TNRC18: variants seen among roughly 807,000 people sequenced by gnomAD.
TNRC18 encodes trinucleotide repeat containing 18, also known as trinucleotide repeat-containing gene 18 protein.
TNRC18 carries 69 observed loss-of-function variants against 226.7 expected under a neutral mutation model. The ratio of observed to expected loss-of-function variants is 0.30; its 90% confidence interval spans 0.25 to 0.37. The LOEUF is 0.37. TNRC18 is among the 10% of genes least tolerant of loss of function. The pLI, the probability that TNRC18 is intolerant of heterozygous loss-of-function variation, is 1.00. For missense variants in TNRC18, 4,754 were observed against 4,256.6 expected, an observed-to-expected ratio of 1.12 and a Z score of -3.25; for synonymous variants, 2,449 against 1,927.6, an observed-to-expected ratio of 1.27 and a Z score of -7.09.
intron 18 of TNRC18, among the ~76,000 whole-genome samples, chr7:5,339,600 T>C (rs1790483111): frequency 6.7e-6 from 1 of 149,968 alleles, no homozygotes; most frequent in Non-Finnish European, 1.5e-5. Context: ...GTGTCGCTCT[T>C]GTCACCCAGG....
In TNRC18 at chr7:5,309,571, G is replaced by C. The variant is rs1786975161; in HGVS notation, c.8389-203C>G. 6.6e-6 allele frequency among the ~76,000 whole-genome samples: 1 copy of C among 152,260 alleles called. No homozygotes were observed. The highest frequency in any genetic ancestry group is 2.4e-5 in the African/African-American group (1 of 41,470). ...TCTTTGACATGCTGGGTCTCCAAGAGGCGCTTCCCTTGATCTAAGCATTCT... is the reference window on the plus strand; with the variant it reads ...TCTTTGACATGCTGGGTCTCCAAGACGCGCTTCCCTTGATCTAAGCATTCT... On this transcript the variant is annotated intron_variant, in intron 27 of 29. Transcript: ENST00000430969. The surrounding 1 kb of genome is among the most constrained non-coding windows in gnomAD (Gnocchi z 5.7).
At chr7:5,386,302 A>C (rs1779786048) in intron 5 of TNRC18, among the ~76,000 whole-genome samples, 1 of 151,720 alleles carries the variant, frequency 6.6e-6, no homozygotes, top group Admixed American at 6.6e-5. Context: ...AACAACAAAA[A>C]AAAAGTGACA....
At chr7:5,403,849 T>A (rs1041226451) in intron 2 of TNRC18, among the ~76,000 whole-genome samples, 1 of 151,138 alleles carries the variant, frequency 6.6e-6, no homozygotes, top group Non-Finnish European at 1.5e-5. Context: ...GAGCATCTCA[T>A]AGACTCAGTC....
chr7:5,417,287 G>A (rs1444176345), intron 2 of TNRC18, among the ~76,000 whole-genome samples: 2 of 152,158 alleles, frequency 1.3e-5, no homozygotes, highest in Admixed American at 6.5e-5. Flanking sequence ...GGGCAACATA[G>A]CAAGACCCTA....
Position 5,388,504 on chromosome 7 carries a change from G to T in TNRC18, c.1320C>A (p.Pro440=), listed in dbSNP as rs1779996954. The change falls in exon 5 of 30, where the codon CCC becomes CCA. Residue 440 remains proline (P), a synonymous_variant. Coordinates refer to ENST00000430969, the MANE Select transcript of TNRC18 (RefSeq NM_001080495.3). ...NSVIRSLKRP[P]PADAPTVRAT... ...CCCGCACCGTGGGGGCATCCGCGGG[G>T]GGCGGCCGCTTGAGCGAGCGGATGA... The T allele has an allele frequency of 1.5e-6, 2 of 1,334,344 alleles. No individual in the cohort carries two copies. The highest frequency in any genetic ancestry group is 3.1e-5 in the African/African-American group (2 of 63,510). The allele number at this position is 1,334,344 out of a possible 1,614,324, so 82.7% of individuals were successfully genotyped here.
At chr7:5,355,487 T>C (rs1426601808) in intron 16 of TNRC18, among the ~76,000 whole-genome samples, 1 of 152,184 alleles carries the variant, frequency 6.6e-6, no homozygotes, top group Non-Finnish European at 1.5e-5. Context: ...AGTAGTAGTG[T>C]GCGCCTATGG....
chr7:5,388,564 C>T lies in TNRC18; in HGVS notation c.1260G>A (p.Leu420=), dbSNP rs1172951484. 6 of 1,307,724 alleles carry T rather than the reference C, an allele frequency of 4.6e-6. No individual in the cohort carries two copies. The Admixed American group carries it at 1.3e-4, about 28-fold the overall frequency. 81.0% of individuals were successfully genotyped at this position (1,307,724 alleles called of 1,614,324 possible). ...LQAPPGSPRP[L]DRPEGLREKN... ...TCTCGCGCAGGCCCTCGGGCCGGTC[C>T]AGAGGCCGCGGGGAGCCGGGGGGCG... The change falls in exon 5 of 30, where the codon CTG becomes CTA. Residue 420 remains leucine, a synonymous_variant. Transcript: ENST00000430969.
At chr7:5,421,531 G>A (rs964968651) in intron 1 of TNRC18, 42 bp from the exon 2 acceptor site, 3 of 152,016 alleles carry the variant, frequency 2.0e-5, no homozygotes, top group East Asian at 1.9e-4. Context: ...ATAGAAAGGG[G>A]GAAAGAAAAA....
chr7:5,385,494 C>CAAAAAAAAAAAAAAA (rs60919833), intron 5 of TNRC18, among the ~76,000 whole-genome samples: 1 of 88,098 alleles, frequency 1.1e-5, no homozygotes, highest in Admixed American at 1.4e-4. Context: ...GACTCCGTCT[C>CAAAAAAAAAAAAAAA]AAAAAAAAAA....
At chr7:5,349,291 C>G (rs1791535169) in intron 17 of TNRC18, among the ~76,000 whole-genome samples, 1 of 152,180 alleles carries the variant, frequency 6.6e-6, no homozygotes, top group Non-Finnish European at 1.5e-5. Context: ...CAGAGGGGCT[C>G]TGAGGACCAA....
At chr7:5,373,912 G>C in intron 10 of TNRC18, 143 bp downstream of exon 10, 1 of 594,034 alleles carries the variant, frequency 1.7e-6, no homozygotes. Context: ...TTGTCTCAGT[G>C]TCTGGCGGCA....
intron 2 of TNRC18, among the ~76,000 whole-genome samples, chr7:5,407,958 G>A (rs1781589006): frequency 6.6e-6 from 1 of 152,200 alleles, no homozygotes; most frequent in Non-Finnish European, 1.5e-5. Context: ...GAGAAGGAGT[G>A]TGAGCCTACA....
rs1794142645 is a variant in TNRC18 at position 5,371,335 on chromosome 7, G to A, written c.3259C>T (p.Leu1087=). ...TAGGGCCTCCCGTAGTGCGGTGGCAGGGCTTGGAACGGGTACCTGGGCGGG... is the reference window on the plus strand; with the variant it reads ...TAGGGCCTCCCGTAGTGCGGTGGCAAGGCTTGGAACGGGTACCTGGGCGGG... ...DIPPRYPFQA[L]PPHYGRPYPF... The change falls in exon 11 of 30, where the codon CTG becomes TTG. Residue 1087 remains leucine (L), a synonymous_variant. Coordinates refer to ENST00000430969, the MANE Select transcript of TNRC18 (RefSeq NM_001080495.3). The A allele has an allele frequency of 1.3e-6, 2 of 1,526,222 alleles. No homozygotes were observed. Among genetic ancestry groups the A allele is most frequent in the African/African-American group, 2.8e-5 (2 of 72,376 alleles). 94.5% of individuals were successfully genotyped at this position (1,526,222 alleles called of 1,614,324 possible).
In TNRC18 at chr7:5,309,080, G is replaced by A. The variant is rs1210235075; in HGVS notation, c.8625+52C>T. On this transcript the variant is annotated intron_variant, in intron 28 of 29. Transcript: ENST00000430969. This position sits in a 1 kb window ranked among gnomAD's most constrained non-coding sequence, Gnocchi z 5.7. ...AGCACCCAGAACGCCTCGCCCTCAGGTCTGCCCTACACCGCCTAGGACTGG... is the reference window on the plus strand; with the variant it reads ...AGCACCCAGAACGCCTCGCCCTCAGATCTGCCCTACACCGCCTAGGACTGG... 6.5e-7 allele frequency: 1 copy of A among 1,533,664 alleles called. No homozygotes were observed.
intron 4 of TNRC18, 153 bp from the exon 5 acceptor site, chr7:5,389,489 T>TCCTCAC (rs2128196111): frequency 4.1e-6 from 2 of 482,242 alleles, no homozygotes; most frequent in East Asian, 3.6e-4. Context: ...AGTCTCGCTC[T>TCCTCAC]CCTCACCCAG....
At chr7:5,396,035 G>C (rs1003310639) in intron 2 of TNRC18, among the ~76,000 whole-genome samples, 2 of 149,740 alleles carry the variant, frequency 1.3e-5, no homozygotes, top group African/African-American at 4.9e-5. Context: ...GCTGGGCGTG[G>C]TGGCGGGCAC....
Position 5,374,336 on chromosome 7 carries a change from G to A in TNRC18, c.2948C>T (p.Ala983Val), listed in dbSNP as rs758065925. ...GCTCACGGCCTTGCCGTAGGTGCCC[G>A]CGGGGCCGGCGGCCAGGCCAGGGGG... ...RKPPGLAAGPAGTYGKAVSPP... is the reference protein window; with the variant it reads ...RKPPGLAAGPVGTYGKAVSPP... Residue 983 changes from alanine (A) to valine (V), a missense_variant, in exon 10 of 30, where the codon GCG (alanine) becomes GTG (valine). Ala to Val is a moderately conservative substitution (Grantham distance 64). Coordinates refer to ENST00000430969, the MANE Select transcript of TNRC18 (RefSeq NM_001080495.3). 96 of 1,420,932 alleles carry A rather than the reference G, an allele frequency of 6.8e-5. No individual in the cohort carries two copies. The highest frequency in any genetic ancestry group is 2.6e-4 in the Middle Eastern group (1 of 3,914). The allele number at this position is 1,420,932 out of a possible 1,614,324, so 88.0% of individuals were successfully genotyped here. A position where few individuals can be genotyped will look rare whatever the true frequency, so the allele number is the denominator to read the frequency against.
intron 2 of TNRC18, among the ~76,000 whole-genome samples, chr7:5,414,567 C>T (rs1310347726): frequency 1.3e-5 from 2 of 152,076 alleles, no homozygotes; most frequent in Non-Finnish European, 1.5e-5. Flanking sequence ...CACCCGCCAC[C>T]ACGCCCGGCT....
Position 5,351,898 on chromosome 7 carries a change from C to T in TNRC18, c.5391G>A (p.Lys1797=). 1 of 1,613,628 alleles carries T rather than the reference C, an allele frequency of 6.2e-7. No individual in the cohort carries two copies. Among genetic ancestry groups the T allele is most frequent in the Non-Finnish European group, 8.5e-7 (1 of 1,179,776 alleles). The change falls in exon 17 of 30, where the codon AAG becomes AAA. Residue 1797 remains lysine, a synonymous_variant. Coordinates refer to ENST00000430969, the MANE Select transcript of TNRC18 (RefSeq NM_001080495.3). ...TLKPKPATSR[K]QPFCLLLREA... ...CTCGAAGCAGCAGACAAAACGGCTG[C>T]TTCCTGCTGGTGGCCGGCTTGGGTT... is the stretch of plus-strand genomic sequence containing the variant.
Sources: gnomAD v4.1 joint callset for allele counts (sites outside exome capture counted in the v4.1 genomes callset) on GRCh38, gnomAD v4.1.1 for gene constraint, Gnocchi (gnomAD v3.1) non-coding constraint, MANE v1.5 for transcripts, NCBI Gene and HGNC (gene_info 2026-07-23, HGNC 2026-07-21) for gene names.